ESM1: variants seen among roughly 807,000 people sequenced by gnomAD.
The protein encoded by ESM1 is endothelial cell-specific molecule 1.
Under a neutral mutation model 14.9 loss-of-function variants are expected in ESM1, and 7 were observed. The ratio of observed to expected loss-of-function variants is 0.47; its 90% CI spans 0.27 to 0.88. ESM1 has a LOEUF of 0.88. Ranked by LOEUF, ESM1 falls within the 40% of genes least tolerant of loss-of-function variation. ESM1 has a pLI of 0.14. For synonymous variants in ESM1, 89 were observed against 89.4 expected, an observed-to-expected ratio of 1.00 and a Z score of 0.02; for missense variants, 192 against 237.9, an observed-to-expected ratio of 0.81 and a Z score of 1.27.
chr5:54,979,255 T>C lies in ESM1; in HGVS notation c.*77A>G. The stretch of plus-strand genomic sequence containing the variant: ...AATTACATGTCCTTATGCTATAATC[T>C]AGAAAGTTCCTAAAATGTTGGCTGT... On this transcript the variant is annotated 3_prime_UTR_variant, in exon 3 of 3. Transcript: ENST00000381405. The C allele has an allele frequency of 2.8e-6, 3 of 1,066,194 alleles. No homozygotes were observed. In the East Asian group the frequency reaches 7.1e-5, roughly 25 times the overall value. 66.0% of individuals were successfully genotyped at this position (1,066,194 alleles called of 1,614,324 possible).
In ESM1 at chr5:54,979,092, C is replaced by T. The variant is rs1743999014; in HGVS notation, c.*240G>A. The T allele has an allele frequency of 1.1e-5, 5 of 448,930 alleles. 1 individual carries two copies. The highest frequency in any genetic ancestry group is 6.1e-5 in the African/African-American group (3 of 49,490). The allele number at this position is 448,930 out of a possible 1,614,324, so 27.8% of individuals were successfully genotyped here. Reference sequence around the variant, plus strand: ...TTTTTAGTTCTTCAGTGTTACTATACACACACATTTAACAAATCTACATGC... The same window carrying T: ...TTTTTAGTTCTTCAGTGTTACTATATACACACATTTAACAAATCTACATGC... On this transcript the variant is annotated 3_prime_UTR_variant, in exon 3 of 3. Transcript: ENST00000381405.
intron 2 of ESM1, among the ~76,000 whole-genome samples, chr5:54,979,877 A>G (rs910909072): frequency 6.6e-6 from 1 of 152,240 alleles, no homozygotes; most frequent in Non-Finnish European, 1.5e-5. Context: ...TATGAAAGAC[A>G]GATTAACTTT....
Position 54,982,151 on chromosome 5 carries a change from G to A in ESM1, c.302-5C>T, listed in dbSNP as rs753209302. 5 of 1,613,294 alleles carry A rather than the reference G, an allele frequency of 3.1e-6. No homozygotes were observed. The highest frequency in any genetic ancestry group is 2.7e-5 in the African/African-American group (2 of 74,884). ...CGAAGGTGCCGTAGGGACAGTCTGG[G>A]GACAAAGGAAAGGTTGGAGAGGACG... On this transcript the variant is annotated splice_polypyrimidine_tract_variant and splice_region_variant and intron_variant, in intron 1 of 2. Transcript: ENST00000381405.
At chr5:54,984,192 ATAT>A (rs1268993522) in intron 1 of ESM1, among the ~76,000 whole-genome samples, 3 of 152,032 alleles carry the variant, frequency 2.0e-5, no homozygotes, top group East Asian at 1.9e-4. Flanking sequence ...TACTGGATAA[ATAT>A]TATTCATAAA....
At position 54,981,135 on chromosome 5, in the gene ESM1, C is replaced by T. The variant is rs145537135; in HGVS notation, c.451+862G>A. ...CTCAAACTAAGTAGCATATCCATCA[C>T]CTCATATACTTATTTTTTGTGATGG... On this transcript the variant is annotated intron_variant, in intron 2 of 2. Coordinates refer to ENST00000381405, the MANE Select transcript of ESM1 (RefSeq NM_007036.5). Among the ~76,000 whole-genome samples, 458 of 152,160 alleles carry T rather than the reference C, an allele frequency of 3.0e-3. 2 individuals are homozygous for T. Among genetic ancestry groups the T allele is most frequent in the African/African-American group, 0.01 (422 of 41,524 alleles).
Position 54,979,405 on chromosome 5 carries a change from A to G in ESM1, c.482T>C (p.Ile161Thr). The G allele has an allele frequency of 6.2e-7, 1 of 1,613,576 alleles. No individual in the cohort carries two copies. Among genetic ancestry groups the G allele is most frequent in the Admixed American group, 1.7e-5 (1 of 60,008 alleles). ...EHDMASGDGN[I>T]VREEVVKENA... ...CTCTTTCACAACTTCTTCTCTCACA[A>G]TATTGCCATCTCCAGATGCCATGTC... Residue 161 changes from isoleucine to threonine, a missense_variant, in exon 3 of 3, where the codon ATT becomes ACT. Transcript: ENST00000381405.
chr5:54,985,003 A>G (rs1162324008), intron 1 of ESM1, among the ~76,000 whole-genome samples: 1 of 152,200 alleles, frequency 6.6e-6, no homozygotes, highest in Non-Finnish European at 1.5e-5. Flanking sequence ...GTAAAATGCC[A>G]CACTTCTTTC....
chr5:54,981,688 T>C (rs1290321753), intron 2 of ESM1, among the ~76,000 whole-genome samples: 1 of 152,234 alleles, frequency 6.6e-6, no homozygotes, highest in Admixed American at 6.5e-5. Context: ...TAAAGAACTT[T>C]GTGTATCTCA....
chr5:54,979,373 C>A lies in ESM1; in HGVS notation c.514G>T (p.Ala172Ser), dbSNP rs1744006829. The A allele has an allele frequency of 6.2e-7, 1 of 1,613,780 alleles. No homozygotes were observed. Among genetic ancestry groups the A allele is most frequent in the African/African-American group, 1.3e-5 (1 of 74,900 alleles). ...VREEVVKENAAGSPVMRKWLN... is the reference protein window; with the variant it reads ...VREEVVKENASGSPVMRKWLN... ...CATTTCCTCATTACGGGAGACCCGG[C>A]AGCATTCTCTTTCACAACTTCTTCT... The change falls in exon 3 of 3, where the codon GCC (alanine) becomes TCC (serine). Residue 172 changes from alanine (A) to serine (S), a missense_variant. By Grantham distance (99) the Ala-to-Ser change is moderately conservative. Coordinates refer to ENST00000381405, the MANE Select transcript of ESM1 (RefSeq NM_007036.5).
rs770631310 is a variant in ESM1, at chr5:54,979,370, C to A, written c.517G>T (p.Gly173Trp). 3.7e-6 allele frequency: 6 copies of A among 1,613,880 alleles called. No homozygotes were observed. In the South Asian group the frequency reaches 6.6e-5, roughly 18 times the overall value. The change falls in exon 3 of 3, where the codon GGG becomes TGG. Residue 173 changes from glycine (G) to tryptophan (W), a missense_variant. Physicochemically the swap from Gly to Trp is radical, Grantham distance 184. Coordinates refer to ENST00000381405, the MANE Select transcript of ESM1 (RefSeq NM_007036.5). Reference sequence around the variant, plus strand: ...AACCATTTCCTCATTACGGGAGACCCGGCAGCATTCTCTTTCACAACTTCT... The same window carrying A: ...AACCATTTCCTCATTACGGGAGACCAGGCAGCATTCTCTTTCACAACTTCT... Reference protein sequence around the residue: ...REEVVKENAAGSPVMRKWLNP... With the variant: ...REEVVKENAAWSPVMRKWLNP...
rs947790242 is a variant in ESM1, at chr5:54,985,281, C to T, written c.237G>A (p.Pro79=). ...VSGMDGMKCG[P]GLRCQPSNGE... is the part of the protein sequence containing the mutation. ...CATTAGAAGGCTGACACCTCAGCCC[C>T]GGGCCACACTTCATGCCATCCATGC... Residue 79 remains proline (P), a synonymous_variant, in exon 1 of 3, where the codon CCG becomes CCA. Transcript: ENST00000381405. 6.2e-7 allele frequency: 1 copy of T among 1,614,148 alleles called. No homozygotes were observed. The highest frequency in any genetic ancestry group is 8.5e-7 in the Non-Finnish European group (1 of 1,180,028).
At chr5:54,983,761 C>A (rs1455468168) in intron 1 of ESM1, among the ~76,000 whole-genome samples, 1 of 152,202 alleles carries the variant, frequency 6.6e-6, no homozygotes, top group East Asian at 1.9e-4. Context: ...TGCCACACAG[C>A]TTGTTTCTTT....
At chr5:54,980,781 A>G (rs1744037584) in intron 2 of ESM1, among the ~76,000 whole-genome samples, 1 of 152,244 alleles carries the variant, frequency 6.6e-6, no homozygotes, top group Non-Finnish European at 1.5e-5. Context: ...TTTCCGCTTC[A>G]TTTTAATGTG....
Position 54,978,194 on chromosome 5 carries a change from T to G in ESM1, c.*1138A>C, listed in dbSNP as rs144895755. 2.0e-5 allele frequency: 3 copies of G among 152,306 alleles called. No individual in the cohort carries two copies. The highest frequency in any genetic ancestry group is 4.1e-4 in the South Asian group (2 of 4,828). 9.4% of individuals were successfully genotyped at this position (152,306 alleles called of 1,614,324 possible). Reference sequence around the variant, plus strand: ...AATAAACTATATTTTAAAGTTGACATGTTTTCTGCTGAAAATTGATTCTTC... The same window carrying G: ...AATAAACTATATTTTAAAGTTGACAGGTTTTCTGCTGAAAATTGATTCTTC... On this transcript the variant is annotated 3_prime_UTR_variant, in exon 3 of 3. Coordinates refer to ENST00000381405, the MANE Select transcript of ESM1 (RefSeq NM_007036.5).
chr5:54,981,320 C>T (rs1434365470), intron 2 of ESM1, among the ~76,000 whole-genome samples: 2 of 152,092 alleles, frequency 1.3e-5, no homozygotes, highest in South Asian at 4.1e-4. Flanking sequence ...GCCAGCTATT[C>T]AACAAAATAA....
In ESM1 at chr5:54,977,961, C is replaced by A. The variant is rs2112243743; in HGVS notation, c.*1371G>T. 1 of 152,244 alleles carries A rather than the reference C, an allele frequency of 6.6e-6. No individual in the cohort carries two copies. The highest frequency in any genetic ancestry group is 2.4e-5 in the African/African-American group (1 of 41,562). 9.4% of individuals were successfully genotyped at this position (152,244 alleles called of 1,614,324 possible). A position where few individuals can be genotyped will look rare whatever the true frequency, so the allele number is the denominator to read the frequency against. On this transcript the variant is annotated 3_prime_UTR_variant, in exon 3 of 3. Coordinates refer to ENST00000381405, the MANE Select transcript of ESM1 (RefSeq NM_007036.5). ...AGCTTTACATTCAAAGGCCTTCCCA[C>A]ACACATTCACAACTCTGTTGGCCAA...
At position 54,978,059 on chromosome 5, in the gene ESM1, T is replaced by C. The variant is rs1193991254; in HGVS notation, c.*1273A>G. The C allele has an allele frequency of 2.0e-5, 3 of 152,192 alleles. No homozygotes were observed. Among genetic ancestry groups the C allele is most frequent in the Non-Finnish European group, 4.4e-5 (3 of 68,020 alleles). 9.4% of individuals were successfully genotyped at this position (152,192 alleles called of 1,614,324 possible). ...TTCTTCACTTCAAATAAAATACTTCTGAGATATTTCCTAAGAACATCTAGT... is the reference window on the plus strand; with the variant it reads ...TTCTTCACTTCAAATAAAATACTTCCGAGATATTTCCTAAGAACATCTAGT... On this transcript the variant is annotated 3_prime_UTR_variant, in exon 3 of 3. Transcript: ENST00000381405.
rs1398506155 is a variant in ESM1 at position 54,985,248 on chromosome 5, A to G, written c.270T>C (p.Asp90=). 1.2e-6 allele frequency: 2 copies of G among 1,613,306 alleles called. No homozygotes were observed. The highest frequency in any genetic ancestry group is 1.1e-5 in the South Asian group (1 of 91,036). ...AGATACCAAACTCTTCACCAAAAGG[A>G]TCCTCCCCATTAGAAGGCTGACACC... ...GLRCQPSNGE[D]PFGEEFGICK... The change falls in exon 1 of 3, where the codon GAT becomes GAC. Residue 90 remains aspartate (D), a synonymous_variant. Coordinates refer to ENST00000381405, the MANE Select transcript of ESM1 (RefSeq NM_007036.5).
intron 1 of ESM1, among the ~76,000 whole-genome samples, chr5:54,984,621 A>C (rs1740492610): frequency 6.6e-6 from 1 of 152,148 alleles, no homozygotes; most frequent in African/African-American, 2.4e-5. Context: ...CAGATGACCA[A>C]AACCTTTATA....
Sources: allele counts gnomAD v4.1 joint callset (sites outside exome capture counted in the v4.1 genomes callset), GRCh38; gene constraint gnomAD v4.1.1; transcripts MANE v1.5; gene names NCBI Gene and HGNC (gene_info 2026-07-23, HGNC 2026-07-21).